Variants in NCALD observed in about 807,000 individuals in gnomAD.
NCALD encodes the protein neurocalcin-delta.
Under a neutral mutation model 18.6 loss-of-function variants are expected in NCALD, and 10 were observed. The ratio of observed to expected loss-of-function variants is 0.54; its 90% CI spans 0.33 to 0.91. The LOEUF (loss-of-function observed/expected upper bound fraction) is 0.91, where lower values mean the gene tolerates loss of function less well. Ranked by LOEUF, NCALD falls within the 40% of genes least tolerant of loss-of-function variation. The pLI is 0.03. For synonymous variants in NCALD, 88 were observed against 87.4 expected, an observed-to-expected ratio of 1.01 and a Z score of -0.04; for missense variants, 184 against 247.6, an observed-to-expected ratio of 0.74 and a Z score of 1.72.
At chr8:101,986,344 T>G (rs982281352) in intron 2 of NCALD, 2 of 152,310 alleles carry the variant, frequency 1.3e-5, no homozygotes, top group African/African-American at 4.8e-5. Context: ...AACATTCTGA[T>G]ATTCTTTATC....
intron 2 of NCALD, among the ~76,000 whole-genome samples, chr8:101,948,576 C>T (rs116446198): frequency 0.012 from 1,843 of 152,220 alleles, 17 homozygotes; most frequent in Non-Finnish European, 0.013. Context: ...GTGATTAAAA[C>T]CATGGATAAG....
At chr8:101,992,772 C>T (rs1051879962) in intron 2 of NCALD, among the ~76,000 whole-genome samples, 10 of 152,056 alleles carry the variant, frequency 6.6e-5, no homozygotes, top group South Asian at 2.1e-4. Context: ...GTGCAGTGTT[C>T]AGCCCATGCC....
At chr8:101,827,097 G>T (rs1813968082) in intron 4 of NCALD, among the ~76,000 whole-genome samples, 1 of 152,170 alleles carries the variant, frequency 6.6e-6, no homozygotes, top group African/African-American at 2.4e-5. Context: ...TGATGTTGGA[G>T]CTCCCTCCAA....
chr8:101,835,707 TGA>T (rs1468049172), intron 4 of NCALD, among the ~76,000 whole-genome samples: 2 of 152,008 alleles, frequency 1.3e-5, no homozygotes, highest in Admixed American at 1.3e-4. Context: ...GCTGTGTGTG[TGA>T]GTGTGTGTGC....
intron 4 of NCALD, among the ~76,000 whole-genome samples, chr8:101,875,128 T>A (rs530539675): frequency 6.6e-6 from 1 of 152,354 alleles, no homozygotes; most frequent in South Asian, 2.1e-4. Context: ...TCTCACTTAT[T>A]CTTTACCACA....
At chr8:102,039,883 C>T (rs1052389815) in intron 1 of NCALD, among the ~76,000 whole-genome samples, 2 of 152,188 alleles carry the variant, frequency 1.3e-5, no homozygotes, top group Non-Finnish European at 2.9e-5. Context: ...CCTCTCCCAA[C>T]ATGTGATATC....
chr8:101,787,098 A>G (rs6999759), intron 1 of NCALD, among the ~76,000 whole-genome samples: 3,247 of 152,248 alleles, frequency 0.021, 109 homozygotes, highest in African/African-American at 0.073. Context: ...TTGGAATGCT[A>G]TTTCTAGTTA....
intron 1 of NCALD, among the ~76,000 whole-genome samples, chr8:102,043,607 GGTTA>G (rs1468187736): frequency 1.3e-5 from 2 of 151,478 alleles, no homozygotes; most frequent in Non-Finnish European, 2.9e-5. Flanking sequence ...AATGTTAGGC[GGTTA>G]GTTAGGAGCT....
At chr8:101,796,684 A>G (rs549828949) in intron 4 of NCALD, among the ~76,000 whole-genome samples, 102 of 152,356 alleles carry the variant, frequency 6.7e-4, no homozygotes, top group Middle Eastern at 3.4e-3. Flanking sequence ...ACATTGGAAT[A>G]TGATGAAAGG....
intron 4 of NCALD, among the ~76,000 whole-genome samples, chr8:101,883,792 A>G (rs1174553170): frequency 6.6e-6 from 1 of 152,180 alleles, no homozygotes; most frequent in African/African-American, 2.4e-5. Context: ...TAAAACCTAT[A>G]TATTTCCTTA....
intron 1 of NCALD, among the ~76,000 whole-genome samples, chr8:102,086,471 G>A (rs16869074): frequency 0.026 from 3,902 of 152,176 alleles, 129 homozygotes; most frequent in East Asian, 0.13. Flanking sequence ...ATCTCCCAAA[G>A]TCAAGTGGCT....
intron 1 of NCALD, among the ~76,000 whole-genome samples, chr8:101,768,278 G>A (rs569984466): frequency 1.3e-5 from 2 of 152,332 alleles, no homozygotes; most frequent in South Asian, 4.1e-4. Context: ...AGAGTCCACA[G>A]CACCAGCAGA....
intron 4 of NCALD, among the ~76,000 whole-genome samples, chr8:101,844,806 T>C (rs990765645): frequency 1.3e-5 from 2 of 152,204 alleles, no homozygotes; most frequent in African/African-American, 4.8e-5. Context: ...GGGTGCTTAT[T>C]CTCTTTGCAC....
At chr8:102,113,793 A>G (rs997678825) in intron 1 of NCALD, among the ~76,000 whole-genome samples, 4 of 152,234 alleles carry the variant, frequency 2.6e-5, no homozygotes, top group African/African-American at 9.6e-5. Context: ...ATGATGTGCT[A>G]CCTACTGGGT....
chr8:102,088,325 T>C (rs1298000678), intron 1 of NCALD, among the ~76,000 whole-genome samples: 2 of 152,244 alleles, frequency 1.3e-5, no homozygotes, highest in African/African-American at 2.4e-5. Flanking sequence ...CCACAAACTG[T>C]CTTGAATTTC....
chr8:101,934,591 G>C (rs776346323), intron 2 of NCALD, among the ~76,000 whole-genome samples: 3 of 152,074 alleles, frequency 2.0e-5, no homozygotes, highest in Non-Finnish European at 2.9e-5. Context: ...AGGAAGGAGG[G>C]AGTTCAGTAA....
intron 2 of NCALD, among the ~76,000 whole-genome samples, chr8:101,944,272 C>A (rs1586799959): frequency 6.6e-6 from 1 of 152,308 alleles, no homozygotes; most frequent in African/African-American, 2.4e-5. Context: ...GGTGCCCCAC[C>A]TAAAGGTAGT....
At chr8:101,737,524 C>A (rs1279958220) in intron 1 of NCALD, among the ~76,000 whole-genome samples, 2 of 152,220 alleles carry the variant, frequency 1.3e-5, no homozygotes, top group African/African-American at 4.8e-5. Flanking sequence ...GGCCGCACCC[C>A]AACCTGATTG....
At chr8:102,018,688 T>G (rs551005472) in intron 2 of NCALD, among the ~76,000 whole-genome samples, 1 of 152,292 alleles carries the variant, frequency 6.6e-6, no homozygotes, top group South Asian at 2.1e-4. Context: ...TTTTTCAAAA[T>G]GCATCAAACC....
Sources: gnomAD v4.1 joint callset for allele counts (sites outside exome capture counted in the v4.1 genomes callset) on GRCh38, gnomAD v4.1.1 for gene constraint, MANE v1.5 for transcripts, NCBI Gene and HGNC (gene_info 2026-07-23, HGNC 2026-07-21) for gene names.